The following SGCD variants were observed in gnomAD, a reference collection of about 807,000 sequenced individuals.
The protein encoded by SGCD is delta-sarcoglycan.
A neutral mutation model predicts 36.6 loss-of-function variants in SGCD; 18 were observed. The observed-to-expected ratio is 0.49, with a 90% confidence interval of 0.34 to 0.73. The LOEUF is 0.73. SGCD is among the 30% of genes least tolerant of loss of function. The pLI is 0.01. For missense variants in SGCD, 387 were observed against 346.7 expected (o/e 1.12, Z -0.92); for synonymous variants, 133 against 130.6 (o/e 1.02, Z -0.12).
chr5:155,920,665 T>C (rs1756857439), intron 1 of SGCD, among the ~76,000 whole-genome samples: 1 of 152,194 alleles, frequency 6.6e-6, no homozygotes, highest in Non-Finnish European at 1.5e-5. Context: ...CTTGCCTTCT[T>C]GGGCCTGGCC....
At chr5:156,336,030 G>A (rs10462927) in intron 2 of SGCD, among the ~76,000 whole-genome samples, 66,564 of 152,016 alleles carry the variant, frequency 0.44, 14,920 homozygotes, top group East Asian at 0.79. Flanking sequence ...TTCTGCAGTG[G>A]TTACTGTTGC....
chr5:155,849,296 A>C, the SGCD span, among the ~76,000 whole-genome samples: 1 of 152,256 alleles, frequency 6.6e-6, no homozygotes, highest in East Asian at 1.9e-4. Context: ...AAGTTCACCA[A>C]CTGAAATATT....
chr5:156,463,553 G>A (rs996998879), intron 3 of SGCD, among the ~76,000 whole-genome samples: 2 of 152,084 alleles, frequency 1.3e-5, no homozygotes, highest in African/African-American at 2.4e-5. Flanking sequence ...TTAGTGTGGT[G>A]TTTTCTGAGG....
At chr5:156,222,158 A>G (rs1764732782) in intron 3 of SGCD, among the ~76,000 whole-genome samples, 1 of 152,084 alleles carries the variant, frequency 6.6e-6, no homozygotes, top group Non-Finnish European at 1.5e-5. Flanking sequence ...TCTAAAAGGA[A>G]TGAGCTCCCT....
At position 156,061,776 on chromosome 5, in the gene SGCD, C is replaced by T. The variant is rs1449752853; in HGVS notation, c.-281-56102C>T. On this transcript the variant is annotated intron_variant, in intron 1 of 9. Coordinates refer to the SGCD transcript ENST00000517913. ...AGGCAACAAATATCTAATGGGTTGT[C>T]TGGACAGTTTCATAGATGAACTGAC... 1.4e-5 allele frequency among the ~76,000 whole-genome samples: 2 copies of T among 145,426 alleles called. 1 individual carries two copies. Among genetic ancestry groups the T allele is most frequent in the Non-Finnish European group, 3.1e-5 (2 of 64,580 alleles).
At chr5:156,031,773 GA>G (rs150850471) in intron 1 of SGCD, among the ~76,000 whole-genome samples, 1,770 of 152,268 alleles carry the variant, frequency 0.012, 14 homozygotes, top group African/African-American at 0.028. Flanking sequence ...TATAGTGGGG[GA>G]GAGTTGAATA....
the SGCD span, among the ~76,000 whole-genome samples, chr5:155,842,292 T>C: frequency 6.7e-6 from 1 of 148,434 alleles, no homozygotes; most frequent in Non-Finnish European, 1.5e-5. Flanking sequence ...GATAACTGAC[T>C]GGCTGGGCAC....
intron 7 of SGCD, among the ~76,000 whole-genome samples, chr5:156,755,448 T>C (rs1021545682): frequency 1.3e-5 from 2 of 152,030 alleles, no homozygotes; most frequent in African/African-American, 2.4e-5. Flanking sequence ...ACACAGAGAA[T>C]GGCAAAAAAA....
At chr5:155,779,274 C>T in the SGCD span, among the ~76,000 whole-genome samples, 1 of 151,952 alleles carries the variant, frequency 6.6e-6, no homozygotes, top group Non-Finnish European at 1.5e-5. Flanking sequence ...CTCCATCTTA[C>T]AAAAAGTACA....
chr5:156,159,262 C>G (rs1221793670), intron 3 of SGCD, among the ~76,000 whole-genome samples: 1 of 151,632 alleles, frequency 6.6e-6, no homozygotes, highest in African/African-American at 2.4e-5. Context: ...TAAGTAAAAG[C>G]TATAAACTTC....
intron 3 of SGCD, among the ~76,000 whole-genome samples, chr5:156,403,969 GA>G (rs1338379820): frequency 6.6e-6 from 1 of 152,078 alleles, no homozygotes; most frequent in African/African-American, 2.4e-5. Flanking sequence ...GAATAGCTGG[GA>G]TTACAGGTGG....
chr5:156,134,721 G>A (rs1192621395), intron 3 of SGCD, among the ~76,000 whole-genome samples: 3 of 151,712 alleles, frequency 2.0e-5, no homozygotes, highest in Non-Finnish European at 2.9e-5. Flanking sequence ...GGGAGGGATA[G>A]CATTAGGAGA....
At chr5:156,602,180 T>C (rs1314574024) in intron 6 of SGCD, among the ~76,000 whole-genome samples, 1 of 152,190 alleles carries the variant, frequency 6.6e-6, no homozygotes, top group Non-Finnish European at 1.5e-5. Context: ...CTTAAGTTTA[T>C]TCATAGGTAT....
intron 4 of SGCD, among the ~76,000 whole-genome samples, chr5:156,537,136 C>G (rs888485482): frequency 2.6e-5 from 4 of 152,196 alleles, no homozygotes; most frequent in Admixed American, 6.5e-5. Context: ...TGTGAACAGG[C>G]TGTTTTCCCC....
At chr5:155,836,121 C>T in the SGCD span, among the ~76,000 whole-genome samples, 2 of 152,338 alleles carry the variant, frequency 1.3e-5, no homozygotes, top group Admixed American at 1.3e-4. Context: ...GTTTCCCTTG[C>T]TCATCCTTCT....
At chr5:155,990,420 A>G (rs536166936) in intron 1 of SGCD, among the ~76,000 whole-genome samples, 2 of 152,246 alleles carry the variant, frequency 1.3e-5, no homozygotes, top group South Asian at 4.1e-4. Flanking sequence ...TTCTTCCTCT[A>G]TCTGTTTTCG....
chr5:155,815,334 A>G, the SGCD span, among the ~76,000 whole-genome samples: 1 of 152,212 alleles, frequency 6.6e-6, no homozygotes, highest in East Asian at 1.9e-4. Context: ...CATAAAGTTA[A>G]AATCCAAAAG....
chr5:156,284,376 G>C (rs1275553000), intron 3 of SGCD, among the ~76,000 whole-genome samples: 1 of 152,016 alleles, frequency 6.6e-6, no homozygotes. Flanking sequence ...CAAAAAAAGA[G>C]AATTTTAGAC....
At chr5:156,697,092 A>T (rs1754350790) in intron 7 of SGCD, among the ~76,000 whole-genome samples, 1 of 151,912 alleles carries the variant, frequency 6.6e-6, no homozygotes, top group African/African-American at 2.4e-5. Flanking sequence ...TGTGTAAAAC[A>T]TATTGCCTTA....
Sources: gnomAD v4.1 joint callset for allele counts (sites outside exome capture counted in the v4.1 genomes callset) on GRCh38, gnomAD v4.1.1 for gene constraint, MANE v1.5 for transcripts, NCBI Gene and HGNC (gene_info 2026-07-23, HGNC 2026-07-21) for gene names.